TAL1: variants seen among roughly 807,000 people sequenced by gnomAD.
TAL1 encodes the protein TAL bHLH transcription factor 1, erythroid differentiation factor, also known as T-cell acute lymphocytic leukemia protein 1.
Under a neutral mutation model 17.9 loss-of-function variants are expected in TAL1, and 8 were observed. That is an observed-to-expected ratio of 0.45 (90% CI 0.26 to 0.81). The LOEUF (loss-of-function observed/expected upper bound fraction) is 0.81. Among genes scored for constraint, TAL1 ranks in the 30% least tolerant of loss-of-function variants. The probability of loss-of-function intolerance (pLI) is 0.17; values close to 1 mark genes in which losing one functional copy is unlikely to be tolerated. For synonymous variants in TAL1, 223 were observed against 218.6 expected, an observed-to-expected ratio of 1.02 and a Z score of -0.18; for missense variants, 466 against 486.9, an observed-to-expected ratio of 0.96 and a Z score of 0.40.
exon 4 of TAL1, chr1:47,218,674 A>T (rs1645547955): frequency 4.3e-6 from 1 of 232,898 alleles, no homozygotes; most frequent in African/African-American, 2.2e-5. Context: ...CCAATAACTG[A>T]AGTCAAGCAA....
At position 47,217,443 on chromosome 1, in the gene TAL1, CAAT is replaced by C. The variant is rs1231446049; in HGVS notation, c.*2274_*2276del. On this transcript the variant is annotated 3_prime_UTR_variant, in exon 4 of 4. Coordinates refer to ENST00000294339, the Ensembl canonical transcript of TAL1. ...TAATCTGGAGAAATGAGGACAATCT[CAAT>C]AACTCAGGCCAAAGCGGTTTACAAT... 2.0e-5 allele frequency: 8 copies of C among 397,898 alleles called. No individual in the cohort carries two copies. In the South Asian group the frequency reaches 6.9e-4, roughly 34 times the overall value. 24.6% of individuals were successfully genotyped at this position (397,898 alleles called of 1,614,324 possible). A position where few individuals can be genotyped will look rare whatever the true frequency, so the allele number is the denominator to read the frequency against.
rs151309882 is a variant in TAL1, at chr1:47,221,849, T to C, written c.542-1675A>G. 1.5e-3 allele frequency among the ~76,000 whole-genome samples: 231 copies of C among 152,216 alleles called. 2 individuals are homozygous for C. Among genetic ancestry groups the C allele is most frequent in the Non-Finnish European group, 1.0e-3 (71 of 68,014 alleles). On this transcript the variant is annotated intron_variant, in intron 3 of 3. Coordinates refer to ENST00000294339, the Ensembl canonical transcript of TAL1. ...TACTGCCTGATCATCTCTTTCTCTC[T>C]CCTACACGCACACAGGCATGCACAT...
chr1:47,229,267 G>T lies in TAL1; in HGVS notation c.-73C>A, dbSNP rs142668677. 121 of 207,912 alleles carry T rather than the reference G, an allele frequency of 5.8e-4. No individual in the cohort carries two copies. In the East Asian group the frequency reaches 8.3e-3, roughly 14 times the overall value. 12.9% of individuals were successfully genotyped at this position (207,912 alleles called of 1,614,324 possible). ...TCCGCCGGAAAGGGGCGGAAGCCGAGGAAGAGGATGCACACCCGGGTCTTT... is the reference window on the plus strand; with the variant it reads ...TCCGCCGGAAAGGGGCGGAAGCCGATGAAGAGGATGCACACCCGGGTCTTT... On this transcript the variant is annotated 5_prime_UTR_variant, in exon 1 of 4. Transcript: ENST00000294339.
chr1:47,232,322 C>T (rs1644030236), upstream of TAL1: 1 of 158,426 alleles, frequency 6.3e-6, no homozygotes, highest in Non-Finnish European at 1.4e-5. Flanking sequence ...TTCCAGGCCT[C>T]GTTAGCATGG....
intron 1 of TAL1, chr1:47,227,490 C>G (rs1380175762): frequency 6.6e-6 from 1 of 152,204 alleles, no homozygotes; most frequent in Non-Finnish European, 1.5e-5. Context: ...CCTCCCACCC[C>G]AGAAGGGAGA....
upstream of TAL1, chr1:47,231,813 G>T: frequency 4.3e-6 from 1 of 233,832 alleles, no homozygotes; most frequent in Non-Finnish European, 8.5e-6. Flanking sequence ...ACACTTAGAA[G>T]CAGCCAACGC....
At chr1:47,232,049 A>T (rs1366282766), upstream of TAL1, 1 of 217,540 alleles carries the variant, frequency 4.6e-6, no homozygotes, top group Non-Finnish European at 9.1e-6. Flanking sequence ...AAAGGAACCG[A>T]GGGAAAGGGA....
chr1:47,219,484 C>G (rs762525062), exon 4 of TAL1: 2 of 711,632 alleles, frequency 2.8e-6, no homozygotes, highest in East Asian at 5.5e-5. Flanking sequence ...AAGACCGTGC[C>G]GTCTTCACAA....
exon 4 of TAL1, chr1:47,219,727 G>C (rs1161236868): frequency 6.2e-7 from 1 of 1,609,464 alleles, no homozygotes; most frequent in Non-Finnish European, 8.5e-7. Flanking sequence ...CCATCACCGA[G>C]GGCCGGCTCC....
chr1:47,226,242 G>A (rs1316025871), intron 1 of TAL1: 2 of 288,034 alleles, frequency 6.9e-6, no homozygotes, highest in Non-Finnish European at 1.3e-5. Context: ...AATGTACAAG[G>A]AGGCAAGAAA....
At chr1:47,224,221 A>T in intron 2 of TAL1, 123 bp from the exon 4 acceptor site, 1 of 785,442 alleles carries the variant, frequency 1.3e-6, no homozygotes, top group Non-Finnish European at 2.1e-6. Flanking sequence ...GTCCCTTCAC[A>T]CTTGAGCTGG....
At chr1:47,228,912 G>C (rs919095221) in intron 1 of TAL1, 2 of 159,676 alleles carry the variant, frequency 1.3e-5, no homozygotes, top group Non-Finnish European at 2.7e-5. Context: ...CAAAGTTACC[G>C]GCCTTGGGAA....
exon 2 of TAL1, chr1:47,225,684 C>A: frequency 7.0e-7 from 1 of 1,426,250 alleles, no homozygotes; most frequent in Non-Finnish European, 9.1e-7. Flanking sequence ...CTCGCGGCGC[C>A]GCCCCCACCG....
chr1:47,223,154 T>C (rs1456651022), intron 3 of TAL1, among the ~76,000 whole-genome samples: 1 of 152,170 alleles, frequency 6.6e-6, no homozygotes. Flanking sequence ...CCAGCCTTGC[T>C]CTGAGGCCTT....
chr1:47,219,786 G>T, exon 4 of TAL1: 1 of 1,611,792 alleles, frequency 6.2e-7, no homozygotes. Context: ...CCGTGTGCTT[G>T]GGCGCGGGCT....
At chr1:47,219,241 G>C (rs573425010) in exon 4 of TAL1, 1 of 443,550 alleles carries the variant, frequency 2.3e-6, no homozygotes, top group East Asian at 4.0e-5. Flanking sequence ...GGTGAAGATG[G>C]GGCTCACGAA....
At chr1:47,225,420 GC>G (rs1448927272) in intron 2 of TAL1, 22 bp downstream of exon 3, 11 of 1,227,492 alleles carry the variant, frequency 9.0e-6, no homozygotes, top group Non-Finnish European at 1.1e-5. Context: ...CCAGCCCCTG[GC>G]CCCTGGCCCC....
At chr1:47,224,970 C>G (rs1228959375) in intron 2 of TAL1, among the ~76,000 whole-genome samples, 1 of 152,212 alleles carries the variant, frequency 6.6e-6, no homozygotes, top group African/African-American at 2.4e-5. Context: ...CTGCCACCAC[C>G]CTCAGATCCT....
rs77792910 is a variant in TAL1, at chr1:47,229,423, A to G, written c.-229T>C. On this transcript the variant is annotated 5_prime_UTR_variant, in exon 1 of 4. Transcript: ENST00000294339. ...AAGAGGCAGGGCAAGAGGGAGGGAG[A>G]GAGAGAAATGGGGGTCAATGGCTGG... 308 of 179,836 alleles carry G rather than the reference A, an allele frequency of 1.7e-3. 4 individuals carry two copies. In the East Asian group the frequency reaches 0.025, roughly 14 times the overall value. The allele number at this position is 179,836 out of a possible 1,614,324, so 11.1% of individuals were successfully genotyped here. A position where few individuals can be genotyped will look rare whatever the true frequency, so the allele number is the denominator to read the frequency against.
Sources: gnomAD v4.1 joint callset for allele counts (sites outside exome capture counted in the v4.1 genomes callset) on GRCh38, gnomAD v4.1.1 for gene constraint, MANE v1.5 for transcripts, NCBI Gene and HGNC (gene_info 2026-07-23, HGNC 2026-07-21) for gene names.